Variants in KIAA1549L observed in about 807,000 individuals in gnomAD.
The protein encoded by KIAA1549L is KIAA1549 like.
Under a neutral mutation model 160.7 loss-of-function variants are expected in KIAA1549L, and 88 were observed. The observed-to-expected ratio is 0.55, with a 90% CI of 0.46 to 0.65. KIAA1549L has a LOEUF of 0.65. Ranked by LOEUF, KIAA1549L falls within the 30% of genes least tolerant of loss-of-function variation. The pLI, the probability that KIAA1549L is intolerant of heterozygous loss-of-function variation, is 0.00. For synonymous variants in KIAA1549L, 950 were observed against 976.7 expected, an observed-to-expected ratio of 0.97 and a Z score of 0.51; for missense variants, 2,258 against 2,437.5, an observed-to-expected ratio of 0.93 and a Z score of 1.55.
chr11:33,613,614 G>A (rs1307532311), intron 15 of KIAA1549L, among the ~76,000 whole-genome samples: 1 of 151,986 alleles, frequency 6.6e-6, no homozygotes, highest in Non-Finnish European at 1.5e-5. Context: ...TTGTCACAGG[G>A]ACAGCACCAA....
intron 1 of KIAA1549L, among the ~76,000 whole-genome samples, chr11:33,539,230 T>C (rs897364832): frequency 2.6e-5 from 4 of 152,208 alleles, no homozygotes; most frequent in Admixed American, 6.5e-5. Flanking sequence ...AGCAGTCAAA[T>C]ATGTTTGAGA....
At chr11:33,625,090 A>T (rs989764226) in intron 16 of KIAA1549L, among the ~76,000 whole-genome samples, 33 of 151,784 alleles carry the variant, frequency 2.2e-4, no homozygotes, top group Admixed American at 5.2e-4. Context: ...ACATGAACTC[A>T]TCATTTTTTA....
intron 1 of KIAA1549L, among the ~76,000 whole-genome samples, chr11:33,397,154 A>C (rs916339436): frequency 1.4e-5 from 2 of 147,750 alleles, no homozygotes; most frequent in African/African-American, 5.0e-5. Context: ...AATATGGTGA[A>C]ACCCCGTCTC....
rs1850042631 is a variant in KIAA1549L at position 33,591,263 on chromosome 11, G to A, written c.4593G>A (p.Lys1531=). The A allele has an allele frequency of 1.2e-6, 2 of 1,613,030 alleles. No individual in the cohort carries two copies. Among genetic ancestry groups the A allele is most frequent in the African/African-American group, 2.7e-5 (2 of 74,906 alleles). ...CTGTGCAAGGCTTTGATTATGCCAA[G>A]CAACACCTGGGCCAGCAAGGGGCAG... ...AKPVQGFDYA[K]QHLGQQGADE... Residue 1531 remains lysine, a synonymous_variant, in exon 12 of 21, where the codon AAG becomes AAA. Transcript: ENST00000658780.
rs11820025 is a variant in KIAA1549L at position 33,565,647 on chromosome 11, A to G, written c.4079-2429A>G. Among the ~76,000 whole-genome samples, 425 of 151,480 alleles carry G rather than the reference A, an allele frequency of 2.8e-3. 1 individual carries two copies. Among genetic ancestry groups the G allele is most frequent in the African/African-American group, 9.8e-3 (404 of 41,252 alleles). On this transcript the variant is annotated intron_variant, in intron 8 of 20. Coordinates refer to ENST00000658780, the MANE Select transcript of KIAA1549L (RefSeq NM_012194.3). ...GGTGACAAAGCTGTGGAGATTGTCC[A>G]GTTGATCCCCTGTAACTCTGTGAGA...
intron 1 of KIAA1549L, among the ~76,000 whole-genome samples, chr11:33,440,192 G>C (rs1851470741): frequency 7.2e-6 from 1 of 139,344 alleles, no homozygotes; most frequent in Admixed American, 7.3e-5. Context: ...TGCAGTGGCG[G>C]GATCTCGGCT....
chr11:33,500,701 A>G (rs2133085988), intron 1 of KIAA1549L, among the ~76,000 whole-genome samples: 1 of 152,312 alleles, frequency 6.6e-6, no homozygotes. Context: ...GTTTAAAATT[A>G]TGGATATTCC....
In KIAA1549L at chr11:33,552,691, CACACACACACACAT is replaced by C. The variant is rs748772367; in HGVS notation, c.3855+451_3855+464del. 1.2e-3 allele frequency among the ~76,000 whole-genome samples: 173 copies of C among 146,566 alleles called. 2 individuals carry two copies. Among genetic ancestry groups the C allele is most frequent in the East Asian group, 6.1e-3 (30 of 4,894 alleles). On this transcript the variant is annotated intron_variant, in intron 6 of 20. Coordinates refer to ENST00000658780, the MANE Select transcript of KIAA1549L (RefSeq NM_012194.3). Reference sequence around the variant, plus strand: ...ACACACACACACACACACACACACACACACACACACACATGCGTTTTATATTGAAGTCTTTACTA... The same window carrying C: ...ACACACACACACACACACACACACACGCGTTTTATATTGAAGTCTTTACTA...
chr11:33,625,110 A>G (rs1191654336), intron 16 of KIAA1549L, among the ~76,000 whole-genome samples: 2 of 151,816 alleles, frequency 1.3e-5, no homozygotes, highest in African/African-American at 4.8e-5. Flanking sequence ...ATGGCTGCAT[A>G]GTATTCCATG....
At chr11:33,408,816 G>A (rs1850727323) in intron 1 of KIAA1549L, among the ~76,000 whole-genome samples, 1 of 149,998 alleles carries the variant, frequency 6.7e-6, no homozygotes, top group Admixed American at 6.6e-5. Context: ...CGGACATAGT[G>A]GCGCATGCCT....
chr11:33,425,137 C>A (rs922260666), intron 1 of KIAA1549L, among the ~76,000 whole-genome samples: 21 of 152,264 alleles, frequency 1.4e-4, no homozygotes, highest in African/African-American at 4.1e-4. Context: ...AATATGTGCT[C>A]TAATTCCATC....
At chr11:33,573,291 T>G (rs1855329855) in intron 9 of KIAA1549L, among the ~76,000 whole-genome samples, 1 of 152,196 alleles carries the variant, frequency 6.6e-6, no homozygotes, top group Non-Finnish European at 1.5e-5. Context: ...TGTACTCCCT[T>G]CTTCCCTCTT....
At chr11:33,443,189 A>G (rs1851544088) in intron 1 of KIAA1549L, among the ~76,000 whole-genome samples, 1 of 152,140 alleles carries the variant, frequency 6.6e-6, no homozygotes, top group South Asian at 2.1e-4. Context: ...TTAAAGAGAC[A>G]GGGTCTTGTT....
chr11:33,554,455 C>A (rs964738308), intron 6 of KIAA1549L, among the ~76,000 whole-genome samples: 2 of 152,108 alleles, frequency 1.3e-5, no homozygotes, highest in East Asian at 1.9e-4. Flanking sequence ...ACATTTATTC[C>A]GACACAGTTG....
Position 33,568,077 on chromosome 11 carries a change from G to A in KIAA1549L, c.4080G>A (p.Val1360=). ...ETTRDYWVIT[V]LQGVDNSLVG... ...CTGCTCTGCCTTCTGCATCCACAGTGCTGCAGGGTGTGGACAATTCGCTGG... is the reference window on the plus strand; with the variant it reads ...CTGCTCTGCCTTCTGCATCCACAGTACTGCAGGGTGTGGACAATTCGCTGG... Residue 1360 remains valine, a splice_region_variant and synonymous_variant, in exon 9 of 21, where the codon GTG becomes GTA. Coordinates refer to ENST00000658780, the MANE Select transcript of KIAA1549L (RefSeq NM_012194.3). 6.2e-7 allele frequency: 1 copy of A among 1,608,540 alleles called. No homozygotes were observed. The highest frequency in any genetic ancestry group is 8.5e-7 in the Non-Finnish European group (1 of 1,177,470).
intron 1 of KIAA1549L, among the ~76,000 whole-genome samples, chr11:33,413,656 A>G (rs993899633): frequency 3.3e-5 from 5 of 152,156 alleles, no homozygotes; most frequent in African/African-American, 1.2e-4. Context: ...GTAATTAATT[A>G]TCTCTACTTA....
Position 33,583,304 on chromosome 11 carries a change from T to G in KIAA1549L, c.4403-34T>G, listed in dbSNP as rs538068438. 2.5e-3 allele frequency: 3,899 copies of G among 1,577,486 alleles called. 64 individuals are homozygous for G. The African/African-American group carries it at 0.032, about 13-fold the overall frequency. ...GTTGCTTTCCTCTTCCCAGTGTTGC[T>G]TGTCATGTCCCTCCTGCTGGCTCTT... On this transcript the variant is annotated intron_variant, in intron 10 of 20. Transcript: ENST00000658780.
At chr11:33,417,317 C>A (rs540296834) in intron 1 of KIAA1549L, among the ~76,000 whole-genome samples, 2 of 152,176 alleles carry the variant, frequency 1.3e-5, no homozygotes, top group Non-Finnish European at 2.9e-5. Context: ...TGACACCCCC[C>A]ACCCTGCCTC....
intron 17 of KIAA1549L, among the ~76,000 whole-genome samples, chr11:33,648,979 C>T (rs960876177): frequency 6.6e-6 from 1 of 152,164 alleles, no homozygotes; most frequent in African/African-American, 2.4e-5. Flanking sequence ...AATCCGACAA[C>T]CACCCTTTGA....
Sources: allele counts gnomAD v4.1 joint callset (sites outside exome capture counted in the v4.1 genomes callset), GRCh38; gene constraint gnomAD v4.1.1; transcripts MANE v1.5; gene names NCBI Gene and HGNC (gene_info 2026-07-23, HGNC 2026-07-21).